Variants in MAP7 observed in about 807,000 individuals in gnomAD.
MAP7 encodes ensconsin.
In MAP7, 52 loss-of-function variants were observed where a neutral mutation model predicts 94.8. The observed-to-expected ratio is 0.55, with a 90% CI of 0.44 to 0.69. MAP7 has a LOEUF of 0.69. Ranked by LOEUF, MAP7 falls within the 30% of genes least tolerant of loss-of-function variation. MAP7 has a pLI of 0.00. For synonymous variants in MAP7, 350 were observed against 357.0 expected, an observed-to-expected ratio of 0.98 and a Z score of 0.22; for missense variants, 940 against 964.6, an observed-to-expected ratio of 0.97 and a Z score of 0.34.
At position 136,527,447 on chromosome 6, in the gene MAP7, A is replaced by G. The variant is rs3799463; in HGVS notation, c.67+22895T>C. Among the ~76,000 whole-genome samples, 1,893 of 152,304 alleles carry G rather than the reference A, an allele frequency of 0.012. 84 individuals carry two copies. The East Asian group carries it at 0.14, about 11-fold the overall frequency. ...TTACTTTTTCTCAGTACTTAAACCT[A>G]CTTACCCAAAAGAGGGCCCAAGGGA... On this transcript the variant is annotated intron_variant, in intron 1 of 17. Coordinates refer to ENST00000354570, the MANE Select transcript of MAP7 (RefSeq NM_003980.6).
chr6:136,408,409 T>G (rs17795868), intron 3 of MAP7, among the ~76,000 whole-genome samples: 4,639 of 152,254 alleles, frequency 0.03, 160 homozygotes, highest in African/African-American at 0.082. Context: ...CCACAGAAAG[T>G]TATTAATAAG....
chr6:136,362,567 G>T lies in MAP7; in HGVS notation c.1409C>A (p.Ser470Tyr). ...TVNASASVKT[S>Y]AGTTDPEEAT... ...CTCCTCTGGGTCGGTGGTGCCTGCA[G>T]AAGTCTTAACAGAAGCACTGGCATT... Residue 470 changes from serine (S) to tyrosine (Y), a missense_variant, in exon 11 of 18, where the codon TCT (serine) becomes TAT (tyrosine). By Grantham distance (144) the Ser-to-Tyr change is moderately radical. Transcript: ENST00000354570. The T allele has an allele frequency of 6.2e-7, 1 of 1,614,128 alleles. No individual in the cohort carries two copies. The highest frequency in any genetic ancestry group is 8.5e-7 in the Non-Finnish European group (1 of 1,180,028).
intron 1 of MAP7, among the ~76,000 whole-genome samples, chr6:136,504,547 G>A (rs1390759615): frequency 1.1e-4 from 16 of 151,990 alleles, no homozygotes; most frequent in Admixed American, 1.0e-3. Context: ...GGTTCACCAT[G>A]TTGGCCAGGC....
chr6:136,388,878 C>A (rs1779903415), intron 4 of MAP7, among the ~76,000 whole-genome samples: 1 of 152,166 alleles, frequency 6.6e-6, no homozygotes, highest in South Asian at 2.1e-4. Context: ...AGTTCAGAAT[C>A]TGAGAACATG....
At chr6:136,547,977 CATA>C (rs1829860179) in intron 1 of MAP7, among the ~76,000 whole-genome samples, 1 of 152,028 alleles carries the variant, frequency 6.6e-6, no homozygotes. Context: ...GACTCTACCT[CATA>C]ATAATGAGTT....
rs538324111 is a variant in MAP7, at chr6:136,348,925, G to A, written c.2016-2846C>T. On this transcript the variant is annotated intron_variant, in intron 16 of 17. Coordinates refer to ENST00000354570, the MANE Select transcript of MAP7 (RefSeq NM_003980.6). ...AATGAACAAACATGAAATGTCTTCT[G>A]GAGTATTAGGAGGGTAAGGCAGTAT... is the stretch of plus-strand genomic sequence containing the variant. Among the ~76,000 whole-genome samples the A allele has an allele frequency of 7.2e-5, 11 of 152,302 alleles. No homozygotes were observed. The South Asian group carries it at 2.3e-3, about 32-fold the overall frequency.
At chr6:136,422,233 A>G (rs1312491655) in intron 1 of MAP7, among the ~76,000 whole-genome samples, 1 of 152,228 alleles carries the variant, frequency 6.6e-6, no homozygotes, top group Non-Finnish European at 1.5e-5. Flanking sequence ...GAGTCTCTGC[A>G]GTAGCCCCAG....
At position 136,421,723 on chromosome 6, in the gene MAP7, G is replaced by T; in HGVS notation, c.144C>A (p.Asn48Lys). Reference protein sequence around the residue: ...RPASAISGQNNNHSGNKPDPP... With the variant: ...RPASAISGQNKNHSGNKPDPP... ...TACCTGGTTTATTTCCTGAGTGGTTGTTATTTTGTCCTGAAATTGCAGAGG... is the reference window on the plus strand; with the variant it reads ...TACCTGGTTTATTTCCTGAGTGGTTTTTATTTTGTCCTGAAATTGCAGAGG... The change falls in exon 2 of 18, where the codon AAC becomes AAA. Residue 48 changes from asparagine (N) to lysine (K), a missense_variant. Coordinates refer to ENST00000354570, the MANE Select transcript of MAP7 (RefSeq NM_003980.6). The T allele has an allele frequency of 6.2e-7, 1 of 1,613,890 alleles. No homozygotes were observed. The highest frequency in any genetic ancestry group is 8.5e-7 in the Non-Finnish European group (1 of 1,179,904).
intron 3 of MAP7, among the ~76,000 whole-genome samples, chr6:136,400,418 A>C (rs906133886): frequency 1.3e-5 from 2 of 150,948 alleles, no homozygotes; most frequent in African/African-American, 4.8e-5. Context: ...TCTGTCTCAA[A>C]AAAAAAAAAA....
In MAP7 at chr6:136,381,919, C is replaced by CACACACACACACACACACACACAG. The variant is rs373754692; in HGVS notation, c.637+1751_637+1752insCTGTGTGTGTGTGTGTGTGTGTGT. Among the ~76,000 whole-genome samples, 5 of 103,034 alleles carry CACACACACACACACACACACACAG rather than the reference C, an allele frequency of 4.9e-5. No homozygotes were observed. The East Asian group carries it at 8.3e-4, about 17-fold the overall frequency. The allele number at this position is 103,034 out of a possible 152,430, so 67.6% of individuals were successfully genotyped here. A position where few individuals can be genotyped will look rare whatever the true frequency, so the allele number is the denominator to read the frequency against. On this transcript the variant is annotated intron_variant, in intron 6 of 17. Coordinates refer to ENST00000354570, the MANE Select transcript of MAP7 (RefSeq NM_003980.6). ...ACACACACACACACACACACACACA[C>CACACACACACACACACACACACAG]AGAGAGAGAGAGAGAGAATGCATGG... is the stretch of plus-strand genomic sequence containing the variant.
chr6:136,360,864 G>T, intron 12 of MAP7, 66 bp from the exon 13 acceptor site: 3 of 1,580,504 alleles, frequency 1.9e-6, no homozygotes, highest in South Asian at 2.2e-5. Context: ...CCCAGGGGGT[G>T]CCCAGAGGTG....
chr6:136,432,199 TA>T (rs895991517), intron 1 of MAP7, among the ~76,000 whole-genome samples: 39 of 149,784 alleles, frequency 2.6e-4, no homozygotes, highest in East Asian at 2.0e-4. Flanking sequence ...ACTCATAAAT[TA>T]AAAAAAAAAT....
intron 1 of MAP7, among the ~76,000 whole-genome samples, chr6:136,450,427 A>AC (rs1477583374): frequency 2.0e-5 from 3 of 152,098 alleles, no homozygotes; most frequent in African/African-American, 7.2e-5. Flanking sequence ...TTAAATATTT[A>AC]AATTTTAATA....
intron 1 of MAP7, among the ~76,000 whole-genome samples, chr6:136,463,176 T>C (rs931906313): frequency 3.9e-5 from 6 of 152,102 alleles, no homozygotes; most frequent in African/African-American, 1.2e-4. Context: ...AGGCATACCA[T>C]ATACACAATG....
rs1781891275 is a variant in MAP7 at position 136,394,931 on chromosome 6, C to CATATATATATATATATATACATAT, written c.245-5415_245-5414insATATGTATATATATATATATATAT. 2.4e-3 allele frequency among the ~76,000 whole-genome samples: 66 copies of CATATATATATATATATATACATAT among 27,478 alleles called. 5 individuals are homozygous for CATATATATATATATATATACATAT. The highest frequency in any genetic ancestry group is 5.4e-3 in the African/African-American group (63 of 11,632). 18.0% of individuals were successfully genotyped at this position (27,478 alleles called of 152,430 possible). A position where few individuals can be genotyped will look rare whatever the true frequency, so the allele number is the denominator to read the frequency against. On this transcript the variant is annotated intron_variant, in intron 3 of 17. Coordinates refer to ENST00000354570, the MANE Select transcript of MAP7 (RefSeq NM_003980.6). ...TTTTTATGGTTGAATAATATTCCAT[C>CATATATATATATATATATACATAT]ATATATATATATATATATATATATA...
chr6:136,450,368 TA>T (rs915629298), intron 1 of MAP7, among the ~76,000 whole-genome samples: 2 of 152,072 alleles, frequency 1.3e-5, no homozygotes, highest in Non-Finnish European at 2.9e-5. Flanking sequence ...GATTTTTTTT[TA>T]AAATGAATTT....
intron 1 of MAP7, among the ~76,000 whole-genome samples, chr6:136,437,886 T>C (rs1486803454): frequency 6.6e-6 from 1 of 152,198 alleles, no homozygotes; most frequent in Non-Finnish European, 1.5e-5. Context: ...TAGTAATTGG[T>C]TTTAGATTAT....
intron 3 of MAP7, among the ~76,000 whole-genome samples, chr6:136,404,161 A>G (rs113288155): frequency 0.021 from 3,217 of 152,366 alleles, 126 homozygotes; most frequent in African/African-American, 0.072. Flanking sequence ...TTCACTCCCA[A>G]TTCTAACCAG....
intron 1 of MAP7, among the ~76,000 whole-genome samples, chr6:136,470,014 T>C (rs532373631): frequency 1.6e-4 from 24 of 152,230 alleles, no homozygotes; most frequent in South Asian, 1.0e-3. Flanking sequence ...AACCCTGCTC[T>C]CTAGTCAAGT....
Sources: allele counts gnomAD v4.1 joint callset (sites outside exome capture counted in the v4.1 genomes callset), GRCh38; gene constraint gnomAD v4.1.1; transcripts MANE v1.5; gene names NCBI Gene and HGNC (gene_info 2026-07-23, HGNC 2026-07-21).